The following MGAM2 variants were observed in gnomAD, a reference collection of about 807,000 sequenced individuals.
MGAM2 encodes maltase-glucoamylase 2 (putative).
In MGAM2, 98 loss-of-function variants were observed where a neutral mutation model predicts 96.1. The observed-to-expected ratio is 1.02, with a 90% CI of 0.87 to 1.21. The LOEUF is 1.21. MGAM2 is among the 50% of genes most tolerant of loss of function. MGAM2 has a pLI of 0.00. For synonymous variants in MGAM2, 749 were observed against 414.8 expected, an observed-to-expected ratio of 1.81 and a Z score of -9.79; for missense variants, 2,055 against 1,182.4, an observed-to-expected ratio of 1.74 and a Z score of -10.82.
At chr7:142,167,761 C>T (rs562517512) in intron 26 of MGAM2, among the ~76,000 whole-genome samples, 18 of 152,074 alleles carry the variant, frequency 1.2e-4, no homozygotes, top group African/African-American at 3.9e-4. Flanking sequence ...TTTGTAGAGA[C>T]GGGGTTTTGC....
intron 6 of MGAM2, 136 bp downstream of exon 6, chr7:142,132,221 T>C (rs1353807451): frequency 4.2e-6 from 2 of 480,448 alleles, no homozygotes; most frequent in Non-Finnish European, 7.3e-6. Context: ...TCCAAGGGTT[T>C]GCTGTAAAAT....
At chr7:142,183,472 A>G (rs1056506908) in intron 33 of MGAM2, 99 bp downstream of exon 33, 1 of 633,162 alleles carries the variant, frequency 1.6e-6, no homozygotes, top group Non-Finnish European at 2.8e-6. Flanking sequence ...GACAATCAAT[A>G]AATTATGAAT....
At chr7:142,167,614 C>T (rs961568085) in intron 26 of MGAM2, 128 bp downstream of exon 26, 98 of 627,872 alleles carry the variant, frequency 1.6e-4, no homozygotes, top group East Asian at 2.2e-4. Context: ...CCACTGACAC[C>T]CAGGCTGGAA....
intron 12 of MGAM2, among the ~76,000 whole-genome samples, chr7:142,143,298 G>A (rs1189697662): frequency 1.3e-5 from 2 of 152,108 alleles, no homozygotes; most frequent in African/African-American, 2.4e-5. Context: ...AAAATGACCT[G>A]AGTAAGAAGC....
At chr7:142,119,870 A>G (rs1794507295) in intron 2 of MGAM2, among the ~76,000 whole-genome samples, 1 of 152,204 alleles carries the variant, frequency 6.6e-6, no homozygotes, top group East Asian at 1.9e-4. Flanking sequence ...AGTGATAGAA[A>G]ATAGATGAGT....
intron 3 of MGAM2, among the ~76,000 whole-genome samples, chr7:142,121,410 C>T (rs1794571461): frequency 6.6e-6 from 1 of 152,148 alleles, no homozygotes; most frequent in Non-Finnish European, 1.5e-5. Context: ...CTCCTGACCC[C>T]AGGTGATCCA....
intron 1 of MGAM2, among the ~76,000 whole-genome samples, chr7:142,115,187 A>G (rs1817347264): frequency 6.6e-6 from 1 of 152,240 alleles, no homozygotes; most frequent in South Asian, 2.1e-4. Context: ...ACTGCACTCC[A>G]GGGTGACACT....
At chr7:142,206,895 G>T (rs1585218026) in intron 45 of MGAM2, among the ~76,000 whole-genome samples, 2 of 152,182 alleles carry the variant, frequency 1.3e-5, no homozygotes, top group Non-Finnish European at 2.9e-5. Flanking sequence ...AATCTTAAAA[G>T]AACATGTTAA....
At position 142,128,756 on chromosome 7, in the gene MGAM2, G is replaced by A. The variant is rs117597551; in HGVS notation, c.187-2192G>A. 8.2e-3 allele frequency among the ~76,000 whole-genome samples: 1,250 copies of A among 152,340 alleles called. 5 individuals are homozygous for A. The highest frequency in any genetic ancestry group is 0.012 in the Non-Finnish European group (790 of 68,038). ...AACCTCTACCTAGATTTCAGAGGACGTATGGAAATGCCTGGATGGCCAGGC... is the reference window on the plus strand; with the variant it reads ...AACCTCTACCTAGATTTCAGAGGACATATGGAAATGCCTGGATGGCCAGGC... On this transcript the variant is annotated intron_variant, in intron 3 of 47. Transcript: ENST00000477922.
intron 3 of MGAM2, among the ~76,000 whole-genome samples, chr7:142,129,437 C>T (rs1055105928): frequency 5.3e-5 from 8 of 152,050 alleles, no homozygotes; most frequent in South Asian, 2.1e-4. Flanking sequence ...GAGAGGGGCC[C>T]GGTGCAGAAT....
At chr7:142,195,522 AT>A (rs11379518) in intron 37 of MGAM2, among the ~76,000 whole-genome samples, 76 of 138,944 alleles carry the variant, frequency 5.5e-4, no homozygotes, top group Non-Finnish European at 4.6e-4. Flanking sequence ...CACCCGGCTA[AT>A]TTTTTTTTTT....
At position 142,196,680 on chromosome 7, in the gene MGAM2, C is replaced by G; in HGVS notation, c.4516-20C>G. 1 of 775,358 alleles carries G rather than the reference C, an allele frequency of 1.3e-6. No individual in the cohort carries two copies. Among genetic ancestry groups the G allele is most frequent in the Non-Finnish European group, 2.4e-6 (1 of 416,330 alleles). 48.0% of individuals were successfully genotyped at this position (775,358 alleles called of 1,614,324 possible). The stretch of plus-strand genomic sequence containing the variant: ...CCTCATGAAATTCCCACCTCATGCT[C>G]TCATTATGCATCTTCTCAGACAGGA... On this transcript the variant is annotated intron_variant, in intron 39 of 47. Coordinates refer to ENST00000477922, the MANE Select transcript of MGAM2 (RefSeq NM_001293626.2).
intron 1 of MGAM2, among the ~76,000 whole-genome samples, chr7:142,112,660 A>G (rs1176556674): frequency 3.3e-5 from 5 of 152,068 alleles, no homozygotes; most frequent in Admixed American, 3.3e-4. Flanking sequence ...TTCAAGTACT[A>G]TTTTAAAAAG....
intron 46 of MGAM2, among the ~76,000 whole-genome samples, chr7:142,212,941 G>A (rs1056031267): frequency 6.6e-6 from 1 of 152,082 alleles, no homozygotes; most frequent in Non-Finnish European, 1.5e-5. Context: ...GAAGTAATAC[G>A]CTCCTCAGAA....
At chr7:142,161,405 G>A (rs142298076) in intron 22 of MGAM2, among the ~76,000 whole-genome samples, 192 bp downstream of exon 22, 1 of 152,096 alleles carries the variant, frequency 6.6e-6, no homozygotes, top group Admixed American at 6.6e-5. Flanking sequence ...GACTTCAAAT[G>A]CACAAATTAT....
intron 12 of MGAM2, among the ~76,000 whole-genome samples, chr7:142,142,632 C>T (rs551202039): frequency 6.6e-6 from 1 of 150,760 alleles, no homozygotes; most frequent in African/African-American, 2.4e-5. Flanking sequence ...TCACTGCAAC[C>T]TCTGCCTCCC....
At chr7:142,190,910 G>A (rs112261012) in intron 37 of MGAM2, among the ~76,000 whole-genome samples, 2,892 of 152,094 alleles carry the variant, frequency 0.019, 117 homozygotes, top group East Asian at 0.16. Context: ...CGAAGTGGGA[G>A]GATTGCTTGA....
intron 26 of MGAM2, among the ~76,000 whole-genome samples, chr7:142,169,774 CACTT>C (rs1234840718): frequency 1.3e-5 from 2 of 152,162 alleles, no homozygotes; most frequent in African/African-American, 4.8e-5. Context: ...GCATGCCACA[CACTT>C]ACAAACATAT....
chr7:142,179,080 G>T (rs1366569176), intron 32 of MGAM2, among the ~76,000 whole-genome samples: 1 of 152,076 alleles, frequency 6.6e-6, no homozygotes, highest in African/African-American at 2.4e-5. Flanking sequence ...TGTTTTTATA[G>T]TTCTTCTAGG....
Sources: allele counts gnomAD v4.1 joint callset (sites outside exome capture counted in the v4.1 genomes callset), GRCh38; gene constraint gnomAD v4.1.1; transcripts MANE v1.5; gene names NCBI Gene and HGNC (gene_info 2026-07-23, HGNC 2026-07-21).